RAD17: variants seen among roughly 807,000 people sequenced by gnomAD.
RAD17 encodes RAD17 checkpoint clamp loader component.
A neutral mutation model predicts 81.5 loss-of-function variants in RAD17; 31 were observed. The ratio of observed to expected loss-of-function variants is 0.38; its 90% CI spans 0.29 to 0.51. RAD17 has a LOEUF of 0.51. Ranked by LOEUF, RAD17 falls within the 20% of genes least tolerant of loss-of-function variation. The pLI is 0.88. For missense variants in RAD17, 681 were observed against 781.2 expected, an observed-to-expected ratio of 0.87 and a Z score of 1.53; for synonymous variants, 261 against 266.2, an observed-to-expected ratio of 0.98 and a Z score of 0.19.
chr5:69,411,972 T>C (rs1219500692), intron 18 of RAD17, among the ~76,000 whole-genome samples: 1 of 152,166 alleles, frequency 6.6e-6, no homozygotes, highest in African/African-American at 2.4e-5. Context: ...TCTTTTTTTT[T>C]TGTAGACGGA....
chr5:69,393,589 CATT>C lies in RAD17; in HGVS notation c.1422+93_1422+95del, dbSNP rs1393171580. The C allele has an allele frequency of 9.9e-6, 12 of 1,217,240 alleles. 1 individual carries two copies. Among genetic ancestry groups the C allele is most frequent in the Non-Finnish European group, 1.4e-5 (12 of 868,886 alleles). 75.4% of individuals were successfully genotyped at this position (1,217,240 alleles called of 1,614,324 possible). A position where few individuals can be genotyped will look rare whatever the true frequency, so the allele number is the denominator to read the frequency against. ...TTTACTTTTATCCCTAATTGCCTGA[CATT>C]ATTTTATGTGACTTTTCTTCATAAC... is the stretch of plus-strand genomic sequence containing the variant. On this transcript the variant is annotated intron_variant, in intron 15 of 18. Coordinates refer to ENST00000354868, the MANE Select transcript of RAD17 (RefSeq NM_133338.3).
In RAD17 at chr5:69,400,157, A is replaced by G. The variant is rs770872837; in HGVS notation, c.1681A>G (p.Met561Val). ...LPYLALLTIP[M>V]RNQAQISFIQ... ...ATACCTTGCTCTACTAACCATTCCA[A>G]TGAGAAATCAAGGTAATAACATAGG... The change falls in exon 17 of 19, where the codon ATG (methionine) becomes GTG (valine). Residue 561 changes from methionine (M) to valine (V), a missense_variant. Coordinates refer to ENST00000354868, the MANE Select transcript of RAD17 (RefSeq NM_133338.3). 2.6e-6 allele frequency: 4 copies of G among 1,539,188 alleles called. No homozygotes were observed. Among genetic ancestry groups the G allele is most frequent in the South Asian group, 2.6e-5 (2 of 75,498 alleles).
chr5:69,402,587 G>A (rs1402670352), intron 17 of RAD17, among the ~76,000 whole-genome samples: 13 of 151,486 alleles, frequency 8.6e-5, no homozygotes, highest in African/African-American at 2.4e-4. Context: ...CCCGGGAGGC[G>A]GAGCTTGCAG....
At chr5:69,381,638 T>C (rs1763866022) in intron 6 of RAD17, among the ~76,000 whole-genome samples, 1 of 152,074 alleles carries the variant, frequency 6.6e-6, no homozygotes. Flanking sequence ...AGAAGCGGAA[T>C]TGAGAGTTGA....
At chr5:69,369,620 G>A, upstream of RAD17, 2 of 1,572,470 alleles carry the variant, frequency 1.3e-6, no homozygotes, top group Middle Eastern at 3.3e-4. Context: ...GGCGCCCCTA[G>A]CCTGCCCCGG....
chr5:69,377,452 T>TATAC (rs1763429344), intron 6 of RAD17, among the ~76,000 whole-genome samples: 1 of 52,080 alleles, frequency 1.9e-5, no homozygotes, highest in Non-Finnish European at 3.9e-5. Flanking sequence ...TATATATATA[T>TATAC]ATATATATAT....
chr5:69,388,509 T>C (rs1764353572), intron 11 of RAD17, among the ~76,000 whole-genome samples: 1 of 152,196 alleles, frequency 6.6e-6, no homozygotes, highest in African/African-American at 2.4e-5. Context: ...TAATACAGTA[T>C]TTAATATTTC....
Position 69,414,217 on chromosome 5 carries a change from G to GC in RAD17, c.1942dup (p.Gln648ProfsTer21). On this transcript the variant is annotated frameshift_variant, in exon 19 of 19. Transcript: ENST00000354868. LOFTEE classifies it high-confidence loss of function. ...GTGCCAGTGAACTGCCTGCTAGCCA[G>GC]CCCCAGCCCTTTTCAGCCCAAGGAG... 1 of 1,614,198 alleles carries GC rather than the reference G, an allele frequency of 6.2e-7. No individual in the cohort carries two copies. Among genetic ancestry groups the GC allele is most frequent in the Non-Finnish European group, 8.5e-7 (1 of 1,180,034 alleles).
intron 6 of RAD17, among the ~76,000 whole-genome samples, chr5:69,379,790 A>T (rs1469570470): frequency 6.6e-6 from 1 of 152,168 alleles, no homozygotes; most frequent in East Asian, 1.9e-4. Context: ...TTCAGAGGCA[A>T]CAACACGTAA....
intron 15 of RAD17, among the ~76,000 whole-genome samples, chr5:69,394,663 A>G (rs1250705977): frequency 6.6e-6 from 1 of 152,186 alleles, no homozygotes; most frequent in Non-Finnish European, 1.5e-5. Context: ...CATGTGGCTG[A>G]TGGCTACTTT....
At chr5:69,387,595 C>T (rs969946200) in intron 11 of RAD17, among the ~76,000 whole-genome samples, 13 of 152,146 alleles carry the variant, frequency 8.5e-5, no homozygotes, top group Non-Finnish European at 1.8e-4. Context: ...CGGTGGCTCA[C>T]GCCTGTAATC....
chr5:69,371,201 T>G (rs763491555), intron 2 of RAD17, 30 bp downstream of exon 2: 79 of 394,180 alleles, frequency 2.0e-4, no homozygotes, highest in East Asian at 1.1e-3. Context: ...GGTTTTTTTG[T>G]TTTTTTTTTT....
intron 12 of RAD17, among the ~76,000 whole-genome samples, chr5:69,391,266 G>T (rs1282709248): frequency 6.6e-6 from 1 of 151,794 alleles, no homozygotes; most frequent in Non-Finnish European, 1.5e-5. Context: ...TCACAGGGTT[G>T]TTATGAAGAT....
rs980400519 is a variant in RAD17, at chr5:69,394,827, G to A, written c.1422+1327G>A. 2.6e-5 allele frequency among the ~76,000 whole-genome samples: 4 copies of A among 152,200 alleles called. 1 individual carries two copies. The highest frequency in any genetic ancestry group is 5.9e-5 in the Non-Finnish European group (4 of 68,032). ...TGTAAACCCAGCACTTAAGGAGGCC[G>A]AGGCAGGTGGATCACTTGAGCTCAT... On this transcript the variant is annotated intron_variant, in intron 15 of 18. Coordinates refer to ENST00000354868, the MANE Select transcript of RAD17 (RefSeq NM_133338.3).
At chr5:69,381,837 C>T in intron 6 of RAD17, 64 bp from the exon 7 acceptor site, 1 of 1,197,118 alleles carries the variant, frequency 8.4e-7, no homozygotes, top group East Asian at 2.5e-5. Flanking sequence ...AATGAAAAGT[C>T]AGAAATAATA....
chr5:69,403,287 A>G (rs1167969845), intron 17 of RAD17, among the ~76,000 whole-genome samples: 3 of 152,158 alleles, frequency 2.0e-5, no homozygotes, highest in Non-Finnish European at 4.4e-5. Context: ...TGTCCATGAC[A>G]TTTTAGAGGG....
At chr5:69,389,368 T>G (rs1413365148) in intron 12 of RAD17, among the ~76,000 whole-genome samples, 1 of 152,222 alleles carries the variant, frequency 6.6e-6, no homozygotes. Context: ...TAGTTTACCT[T>G]TCAAAGTTAA....
chr5:69,395,726 T>C (rs1764842610), intron 15 of RAD17, among the ~76,000 whole-genome samples: 1 of 152,212 alleles, frequency 6.6e-6, no homozygotes, highest in African/African-American at 2.4e-5. Context: ...AATGAATAGC[T>C]GCATATCCTT....
chr5:69,389,797 C>T (rs569425709), intron 12 of RAD17, among the ~76,000 whole-genome samples: 2 of 152,236 alleles, frequency 1.3e-5, no homozygotes, highest in South Asian at 2.1e-4. Flanking sequence ...GCTGCCACCA[C>T]GCCCAGCTAA....
Sources: allele counts gnomAD v4.1 joint callset (sites outside exome capture counted in the v4.1 genomes callset), GRCh38; gene constraint gnomAD v4.1.1; transcripts MANE v1.5; gene names NCBI Gene and HGNC (gene_info 2026-07-23, HGNC 2026-07-21).